PYGO1: variants seen among roughly 807,000 people sequenced by gnomAD.
PYGO1 encodes pygopus family PHD finger 1.
A neutral mutation model predicts 29.5 loss-of-function variants in PYGO1; 6 were observed. The ratio of observed to expected loss-of-function variants is 0.20; its 90% confidence interval spans 0.11 to 0.40. The LOEUF (loss-of-function observed/expected upper bound fraction) is 0.40. Among genes scored for constraint, PYGO1 ranks in the 10% least tolerant of loss-of-function variants. The pLI, the probability that PYGO1 is intolerant of heterozygous loss-of-function variation, is 1.00. For missense variants in PYGO1, 515 were observed against 514.9 expected, an observed-to-expected ratio of 1.00 and a Z score of 0.00; for synonymous variants, 186 against 180.5, an observed-to-expected ratio of 1.03 and a Z score of -0.24.
chr15:55,586,891 C>T (rs1408873570), intron 1 of PYGO1, among the ~76,000 whole-genome samples: 1 of 152,236 alleles, frequency 6.6e-6, no homozygotes, highest in Admixed American at 6.5e-5. Context: ...ATTTGACATT[C>T]TGTATCTACT....
At chr15:55,567,625 T>A (rs1200879984) in intron 1 of PYGO1, among the ~76,000 whole-genome samples, 2 of 152,208 alleles carry the variant, frequency 1.3e-5, no homozygotes, top group Non-Finnish European at 2.9e-5. Flanking sequence ...ATCCTACTTG[T>A]CAATTTTTGT....
Position 55,588,318 on chromosome 15 carries a change from T to C in PYGO1, c.-435A>G, listed in dbSNP as rs2059059330. On this transcript the variant is annotated 5_prime_UTR_variant, in exon 1 of 3. Coordinates refer to ENST00000563719, the MANE Select transcript of PYGO1 (RefSeq NM_001367806.1). Reference sequence around the variant, plus strand: ...AGCGCCCTCTGAGGAGGAGGTCTGCTCTCTCGCCGCTCCCGAGTCGCAGAC... The same window carrying C: ...AGCGCCCTCTGAGGAGGAGGTCTGCCCTCTCGCCGCTCCCGAGTCGCAGAC... Among the ~76,000 whole-genome samples the C allele has an allele frequency of 6.8e-6, 1 of 148,018 alleles. No homozygotes were observed. Among genetic ancestry groups the C allele is most frequent in the Admixed American group, 6.7e-5 (1 of 14,962 alleles).
intron 1 of PYGO1, among the ~76,000 whole-genome samples, chr15:55,550,109 T>C (rs2058872129): frequency 6.6e-6 from 1 of 152,248 alleles, no homozygotes; most frequent in African/African-American, 2.4e-5. Context: ...AATATCTGTA[T>C]GGTTTGTTTA....
chr15:55,581,380 G>A (rs1020821234), intron 1 of PYGO1, among the ~76,000 whole-genome samples: 3 of 152,306 alleles, frequency 2.0e-5, no homozygotes, highest in African/African-American at 7.2e-5. Context: ...TTCATGGAGT[G>A]TGAAGAATAG....
At chr15:55,557,866 A>T (rs2141655913) in intron 1 of PYGO1, among the ~76,000 whole-genome samples, 1 of 152,336 alleles carries the variant, frequency 6.6e-6, no homozygotes, top group South Asian at 2.1e-4. Context: ...GCTATTTATG[A>T]CATACCCACA....
chr15:55,557,745 CAT>C (rs2058912935), intron 1 of PYGO1, among the ~76,000 whole-genome samples: 1 of 152,164 alleles, frequency 6.6e-6, no homozygotes, highest in African/African-American at 2.4e-5. Context: ...ACAAAAACCA[CAT>C]GATTATCTCA....
intron 1 of PYGO1, among the ~76,000 whole-genome samples, chr15:55,580,431 A>T (rs1324660483): frequency 6.6e-6 from 1 of 152,232 alleles, no homozygotes; most frequent in Non-Finnish European, 1.5e-5. Context: ...CACATTACTT[A>T]CACAGAATGT....
intron 1 of PYGO1, among the ~76,000 whole-genome samples, chr15:55,558,880 C>T (rs2058919795): frequency 6.6e-6 from 1 of 151,686 alleles, no homozygotes; most frequent in Non-Finnish European, 1.5e-5. Context: ...CCATAAAATC[C>T]CTAGAAGAAA....
chr15:55,544,400 T>C lies in PYGO1; in HGVS notation c.*1623A>G, dbSNP rs2058840695. 1 of 152,136 alleles carries C rather than the reference T, an allele frequency of 6.6e-6. No homozygotes were observed. The highest frequency in any genetic ancestry group is 6.6e-5 in the Admixed American group (1 of 15,262). 9.4% of individuals were successfully genotyped at this position (152,136 alleles called of 1,614,324 possible). A position where few individuals can be genotyped will look rare whatever the true frequency, so the allele number is the denominator to read the frequency against. ...GTTTCTTAGAAAAAGCTCCAAATGA[T>C]AGACAGTAGTCCATGGAATAAAGGT... On this transcript the variant is annotated 3_prime_UTR_variant, in exon 3 of 3. Coordinates refer to ENST00000563719, the MANE Select transcript of PYGO1 (RefSeq NM_001367806.1).
At chr15:55,569,469 T>C (rs2058971578) in intron 1 of PYGO1, among the ~76,000 whole-genome samples, 2 of 152,210 alleles carry the variant, frequency 1.3e-5, no homozygotes, top group African/African-American at 4.8e-5. Context: ...CCAGATATTT[T>C]GGTATGTTGT....
chr15:55,558,167 C>G (rs911230224), intron 1 of PYGO1, among the ~76,000 whole-genome samples: 60 of 152,160 alleles, frequency 3.9e-4, no homozygotes, highest in African/African-American at 1.4e-3. Context: ...GATACAAAAT[C>G]AATGTGCAAA....
At chr15:55,585,336 T>A (rs1480749037) in intron 1 of PYGO1, among the ~76,000 whole-genome samples, 5 of 152,142 alleles carry the variant, frequency 3.3e-5, no homozygotes, top group Admixed American at 1.3e-4. Context: ...GGGAAACAGT[T>A]TGAAAAGCAC....
At chr15:55,562,160 G>C (rs765378099) in intron 1 of PYGO1, among the ~76,000 whole-genome samples, 1 of 152,196 alleles carries the variant, frequency 6.6e-6, no homozygotes. Flanking sequence ...ACATCAGTCA[G>C]AATGGCGATG....
intron 1 of PYGO1, among the ~76,000 whole-genome samples, chr15:55,570,221 T>C (rs984991660): frequency 2.6e-5 from 4 of 152,194 alleles, no homozygotes; most frequent in African/African-American, 9.7e-5. Context: ...ACAATTCCAT[T>C]GGATACTCAT....
intron 1 of PYGO1, among the ~76,000 whole-genome samples, chr15:55,558,920 A>C (rs1174662404): frequency 6.6e-6 from 1 of 151,310 alleles, no homozygotes; most frequent in Non-Finnish European, 1.5e-5. Flanking sequence ...GGACATAGGC[A>C]TGGGCAAGGA....
chr15:55,576,177 C>A (rs1197501092), intron 1 of PYGO1, among the ~76,000 whole-genome samples: 1 of 152,038 alleles, frequency 6.6e-6, no homozygotes, highest in African/African-American at 2.4e-5. Flanking sequence ...AAAAGAGAGG[C>A]CGGGCGCGGT....
intron 1 of PYGO1, among the ~76,000 whole-genome samples, chr15:55,566,410 C>A (rs2058956984): frequency 6.8e-6 from 1 of 146,606 alleles, no homozygotes; most frequent in Admixed American, 6.8e-5. Context: ...AGATTTCATT[C>A]TTTTTTTTTT....
At position 55,587,911 on chromosome 15, in the gene PYGO1, C is replaced by G. The variant is rs540186565; in HGVS notation, c.-28G>C. 8.2e-6 allele frequency: 12 copies of G among 1,465,524 alleles called. No homozygotes were observed. The highest frequency in any genetic ancestry group is 5.8e-5 in the African/African-American group (4 of 68,848). 90.8% of individuals were successfully genotyped at this position (1,465,524 alleles called of 1,614,324 possible). A position where few individuals can be genotyped will look rare whatever the true frequency, so the allele number is the denominator to read the frequency against. On this transcript the variant is annotated 5_prime_UTR_variant, in exon 1 of 3. Transcript: ENST00000563719. The stretch of plus-strand genomic sequence containing the variant: ...CAGACCGCAAAGCATGACTCCCCCC[C>G]AGGCCGCGGGAATTCGGTCTCTTTG...
At chr15:55,557,215 G>A (rs971083120) in intron 1 of PYGO1, among the ~76,000 whole-genome samples, 2 of 151,978 alleles carry the variant, frequency 1.3e-5, no homozygotes, top group East Asian at 1.9e-4. Context: ...CTATAAACAC[G>A]TCTACGCAAA....
Sources: gnomAD v4.1 joint callset for allele counts (sites outside exome capture counted in the v4.1 genomes callset) on GRCh38, gnomAD v4.1.1 for gene constraint, MANE v1.5 for transcripts, NCBI Gene and HGNC (gene_info 2026-07-23, HGNC 2026-07-21) for gene names.